HS3ST4: variants seen among roughly 807,000 people sequenced by gnomAD.
HS3ST4 encodes the protein heparan sulfate glucosamine 3-O-sulfotransferase 4.
HS3ST4 carries 17 observed loss-of-function variants against 29.2 expected under a neutral mutation model. That is an observed-to-expected ratio of 0.58 (90% CI 0.40 to 0.87). The LOEUF is 0.87. Among genes scored for constraint, HS3ST4 ranks in the 40% least tolerant of loss-of-function variants. The pLI, the probability that HS3ST4 is intolerant of heterozygous loss-of-function variation, is 0.00. For missense variants in HS3ST4, 627 were observed against 634.5 expected (o/e 0.99, Z 0.13); for synonymous variants, 314 against 285.7 (o/e 1.10, Z -1.00).
At position 26,020,838 on chromosome 16, in the gene HS3ST4, A is replaced by G. The variant is rs1261092549; in HGVS notation, c.735-114774A>G. 2.6e-5 allele frequency among the ~76,000 whole-genome samples: 4 copies of G among 152,208 alleles called. No individual in the cohort carries two copies. The East Asian group carries it at 7.7e-4, about 29-fold the overall frequency. On this transcript the variant is annotated intron_variant, in intron 1 of 1. Coordinates refer to ENST00000331351, the MANE Select transcript of HS3ST4 (RefSeq NM_006040.3). The stretch of plus-strand genomic sequence containing the variant: ...AGCCCGGGCTGAGAACACAAACTCC[A>G]GGACCCACATTGTTTAGGTTCAAGC...
chr16:25,884,621 A>T (rs1035927639), intron 1 of HS3ST4, among the ~76,000 whole-genome samples: 8 of 152,086 alleles, frequency 5.3e-5, no homozygotes, highest in African/African-American at 1.7e-4. Context: ...GCTGGAGTGC[A>T]ATGGCGTGAT....
chr16:25,803,986 G>A (rs1483587025), intron 1 of HS3ST4, among the ~76,000 whole-genome samples: 1 of 151,890 alleles, frequency 6.6e-6, no homozygotes, highest in East Asian at 1.9e-4. Context: ...GAGTCCAGTA[G>A]CCTCTGGGTA....
intron 1 of HS3ST4, among the ~76,000 whole-genome samples, chr16:25,720,930 G>A (rs1163552765): frequency 1.3e-5 from 2 of 152,218 alleles, no homozygotes; most frequent in South Asian, 4.1e-4. Flanking sequence ...TGGCAAAAAA[G>A]AGCAGGCTGT....
At chr16:26,038,025 C>T (rs1207177910) in intron 1 of HS3ST4, among the ~76,000 whole-genome samples, 3 of 152,314 alleles carry the variant, frequency 2.0e-5, no homozygotes, top group East Asian at 1.9e-4. Context: ...AAAAGTCCTT[C>T]GTGTATTTCC....
intron 1 of HS3ST4, among the ~76,000 whole-genome samples, chr16:25,828,205 C>T: frequency 7.8e-6 from 1 of 127,666 alleles, no homozygotes. Flanking sequence ...TTCTTTCTTT[C>T]TTGCTTGCTT....
chr16:25,714,846 T>C (rs1966441230), intron 1 of HS3ST4, among the ~76,000 whole-genome samples: 1 of 152,228 alleles, frequency 6.6e-6, no homozygotes, highest in South Asian at 2.1e-4. Context: ...TTCCATCCTT[T>C]TACAAACAAG....
chr16:25,793,743 G>T (rs2141620856), intron 1 of HS3ST4, among the ~76,000 whole-genome samples: 1 of 152,016 alleles, frequency 6.6e-6, no homozygotes, highest in African/African-American at 2.4e-5. Context: ...TTCAATTGGT[G>T]TATTTAGACT....
intron 1 of HS3ST4, among the ~76,000 whole-genome samples, chr16:25,751,953 C>T (rs932085632): frequency 1.3e-5 from 2 of 151,818 alleles, no homozygotes; most frequent in Non-Finnish European, 2.9e-5. Flanking sequence ...TGCTGTGTTT[C>T]TGTGACTAGT....
chr16:25,753,748 G>T (rs1172768714), intron 1 of HS3ST4, among the ~76,000 whole-genome samples: 3 of 152,070 alleles, frequency 2.0e-5, no homozygotes, highest in Non-Finnish European at 4.4e-5. Context: ...TCCCAGTGTT[G>T]TCTTTTATGC....
intron 1 of HS3ST4, among the ~76,000 whole-genome samples, chr16:25,847,790 C>T (rs973306068): frequency 1.3e-5 from 2 of 152,176 alleles, no homozygotes; most frequent in Non-Finnish European, 2.9e-5. Context: ...TTTCAGAAAT[C>T]CTAATGATGG....
At chr16:25,699,125 G>A (rs1205318137) in intron 1 of HS3ST4, among the ~76,000 whole-genome samples, 1 of 152,222 alleles carries the variant, frequency 6.6e-6, no homozygotes, top group Non-Finnish European at 1.5e-5. Flanking sequence ...CTGTGGGCTG[G>A]ATACAGCCAG....
intron 1 of HS3ST4, among the ~76,000 whole-genome samples, chr16:26,092,900 T>C (rs9939595): frequency 0.033 from 5,086 of 152,034 alleles, 265 homozygotes; most frequent in African/African-American, 0.11. Context: ...ACTGCACTTT[T>C]CCCAAGGTCT....
intron 1 of HS3ST4, among the ~76,000 whole-genome samples, chr16:25,766,843 G>C (rs1037577055): frequency 6.6e-6 from 1 of 152,162 alleles, no homozygotes; most frequent in African/African-American, 2.4e-5. Flanking sequence ...TGAAGTAAGA[G>C]GGTCCTGTCA....
chr16:25,885,141 T>C lies in HS3ST4; in HGVS notation c.734+191990T>C, dbSNP rs188853066. On this transcript the variant is annotated intron_variant, in intron 1 of 1. Coordinates refer to ENST00000331351, the MANE Select transcript of HS3ST4 (RefSeq NM_006040.3). The stretch of plus-strand genomic sequence containing the variant: ...CTTAGGAAGGTCTGGCTGGTTTGCT[T>C]TGGGGCTGCCTCCTTAAATGAGGAT... Among the ~76,000 whole-genome samples, 596 of 152,300 alleles carry C rather than the reference T, an allele frequency of 3.9e-3. 7 individuals are homozygous for C. Among genetic ancestry groups the C allele is most frequent in the Non-Finnish European group, 4.8e-3 (326 of 68,028 alleles).
chr16:25,923,803 G>C (rs1274281632), intron 1 of HS3ST4, among the ~76,000 whole-genome samples: 1 of 152,094 alleles, frequency 6.6e-6, no homozygotes, highest in Non-Finnish European at 1.5e-5. Flanking sequence ...TATTTACTGA[G>C]CTGGGCTTCA....
At chr16:26,128,592 C>T (rs1899376902) in intron 1 of HS3ST4, among the ~76,000 whole-genome samples, 1 of 152,164 alleles carries the variant, frequency 6.6e-6, no homozygotes, top group Admixed American at 6.5e-5. Flanking sequence ...TGACTTTTTG[C>T]CTTCAGGATT....
intron 1 of HS3ST4, among the ~76,000 whole-genome samples, chr16:26,001,054 AG>A (rs1969207629): frequency 6.6e-6 from 1 of 152,156 alleles, no homozygotes; most frequent in Non-Finnish European, 1.5e-5. Flanking sequence ...CCTGTACTAG[AG>A]GGGAAAAAAA....
chr16:25,709,583 T>C (rs746885270), intron 1 of HS3ST4, among the ~76,000 whole-genome samples: 1 of 152,164 alleles, frequency 6.6e-6, no homozygotes, highest in Admixed American at 6.5e-5. Flanking sequence ...GGACCTAGGT[T>C]CTGTTTTGTC....
intron 1 of HS3ST4, among the ~76,000 whole-genome samples, chr16:25,942,048 T>G (rs183447797): frequency 1.8e-4 from 28 of 152,290 alleles, no homozygotes; most frequent in African/African-American, 2.6e-4. Flanking sequence ...TAGAATTAGC[T>G]CATTTAATGT....
Sources: allele counts gnomAD v4.1 joint callset (sites outside exome capture counted in the v4.1 genomes callset), GRCh38; gene constraint gnomAD v4.1.1; transcripts MANE v1.5; gene names NCBI Gene and HGNC (gene_info 2026-07-23, HGNC 2026-07-21).